The following ASIC2 variants were observed in gnomAD, a reference collection of about 807,000 sequenced individuals.
The protein encoded by ASIC2 is acid-sensing ion channel 2.
Under a neutral mutation model 57.3 loss-of-function variants are expected in ASIC2, and 25 were observed. The ratio of observed to expected loss-of-function variants is 0.44; its 90% CI spans 0.32 to 0.61. The LOEUF (loss-of-function observed/expected upper bound fraction) is 0.61, where lower values mean the gene tolerates loss of function less well. Ranked by LOEUF, ASIC2 falls within the 20% of genes least tolerant of loss-of-function variation. ASIC2 has a pLI of 0.06. For synonymous variants in ASIC2, 319 were observed against 307.5 expected (o/e 1.04, Z -0.39); for missense variants, 641 against 738.1 (o/e 0.87, Z 1.52).
chr17:33,177,784 C>T (rs1345825814), intron 1 of ASIC2, among the ~76,000 whole-genome samples: 2 of 152,154 alleles, frequency 1.3e-5, no homozygotes, highest in Non-Finnish European at 2.9e-5. Context: ...GAATCATTCT[C>T]TTACTTGCTT....
intron 1 of ASIC2, among the ~76,000 whole-genome samples, chr17:34,017,665 C>G (rs182936722): frequency 7.7e-4 from 118 of 152,270 alleles, no homozygotes; most frequent in African/African-American, 2.8e-3. Context: ...AGCAAAACAG[C>G]CTTGTTGCTG....
chr17:33,781,179 T>G (rs192292489), intron 1 of ASIC2, among the ~76,000 whole-genome samples: 1 of 152,328 alleles, frequency 6.6e-6, no homozygotes, highest in African/African-American at 2.4e-5. Context: ...CGTTTAATGT[T>G]TGCTAACAGC....
At chr17:33,985,850 G>C (rs1193289950) in intron 1 of ASIC2, among the ~76,000 whole-genome samples, 1 of 152,208 alleles carries the variant, frequency 6.6e-6, no homozygotes, top group Non-Finnish European at 1.5e-5. Flanking sequence ...CCTATGTCCA[G>C]GTCCACAGGC....
At chr17:33,572,225 G>C (rs561738487) in intron 1 of ASIC2, 2 of 152,204 alleles carry the variant, frequency 1.3e-5, no homozygotes, top group East Asian at 3.9e-4. Context: ...ACTCCTATTG[G>C]CTCAGTGCCC....
At chr17:33,701,247 G>T (rs1247444358) in intron 1 of ASIC2, among the ~76,000 whole-genome samples, 1 of 152,080 alleles carries the variant, frequency 6.6e-6, no homozygotes, top group Non-Finnish European at 1.5e-5. Flanking sequence ...GGGCGGAGGG[G>T]GCATATGAGG....
chr17:34,010,634 C>A (rs774569286), intron 1 of ASIC2, among the ~76,000 whole-genome samples: 1 of 151,974 alleles, frequency 6.6e-6, no homozygotes, highest in Non-Finnish European at 1.5e-5. Context: ...CAAAAACACA[C>A]AGAGAGGCAC....
At chr17:33,095,890 A>G (rs1038636701) in intron 2 of ASIC2, among the ~76,000 whole-genome samples, 3 of 152,186 alleles carry the variant, frequency 2.0e-5, no homozygotes, top group African/African-American at 7.2e-5. Flanking sequence ...ACTGCTACCT[A>G]TGATCAGACA....
chr17:33,347,439 A>G (rs1259191985), intron 1 of ASIC2, among the ~76,000 whole-genome samples: 1 of 152,194 alleles, frequency 6.6e-6, no homozygotes, highest in Non-Finnish European at 1.5e-5. Flanking sequence ...GAGAGTGTGT[A>G]GGATTGCCAG....
intron 1 of ASIC2, among the ~76,000 whole-genome samples, chr17:33,432,625 T>C (rs1427436487): frequency 1.3e-5 from 2 of 152,204 alleles, no homozygotes; most frequent in Non-Finnish European, 2.9e-5. Context: ...GTACAGTATA[T>C]AATGCATATA....
chr17:33,018,076 C>T (rs563189405), intron 7 of ASIC2, among the ~76,000 whole-genome samples: 9 of 152,270 alleles, frequency 5.9e-5, no homozygotes, highest in South Asian at 2.1e-4. Context: ...GTGGGAGTCT[C>T]GGGAGGAGAT....
intron 1 of ASIC2, among the ~76,000 whole-genome samples, chr17:34,130,118 T>A (rs1048138939): frequency 6.6e-6 from 1 of 152,250 alleles, no homozygotes; most frequent in Non-Finnish European, 1.5e-5. Context: ...AATATTCATT[T>A]GCACATCATG....
intron 1 of ASIC2, among the ~76,000 whole-genome samples, chr17:33,449,474 G>A (rs2086931854): frequency 1.3e-5 from 2 of 152,060 alleles, no homozygotes; most frequent in South Asian, 4.1e-4. Flanking sequence ...CATACTTTTG[G>A]CCCAGGTGCC....
chr17:34,085,139 A>G (rs983923417), intron 1 of ASIC2, among the ~76,000 whole-genome samples: 5 of 152,148 alleles, frequency 3.3e-5, no homozygotes, highest in African/African-American at 1.2e-4. Context: ...GAATGCTTCC[A>G]GTTTTTGCCC....
intron 1 of ASIC2, among the ~76,000 whole-genome samples, chr17:33,537,949 T>A (rs868794726): frequency 2.4e-4 from 37 of 152,304 alleles, no homozygotes; most frequent in Middle Eastern, 3.4e-3. Flanking sequence ...TATCTATAAC[T>A]TTTTCACTAC....
intron 1 of ASIC2, among the ~76,000 whole-genome samples, chr17:34,147,513 C>A (rs895661061): frequency 6.6e-6 from 1 of 152,084 alleles, no homozygotes; most frequent in Non-Finnish European, 1.5e-5. Context: ...GATAAACAGG[C>A]TTTTATCAGA....
At chr17:33,380,137 T>C (rs1268928199) in intron 1 of ASIC2, among the ~76,000 whole-genome samples, 1 of 149,750 alleles carries the variant, frequency 6.7e-6, no homozygotes, top group East Asian at 2.0e-4. Context: ...TCCCAGCTAC[T>C]TGGGGGGCTG....
At position 33,417,719 on chromosome 17, in the gene ASIC2, C is replaced by T. The variant is rs145826231; in HGVS notation, c.556-305652G>A. Among the ~76,000 whole-genome samples, 591 of 152,280 alleles carry T rather than the reference C, an allele frequency of 3.9e-3. 2 individuals carry two copies. The highest frequency in any genetic ancestry group is 6.6e-3 in the Non-Finnish European group (448 of 68,030). On this transcript the variant is annotated intron_variant, in intron 1 of 9. Coordinates refer to the ASIC2 transcript ENST00000359872. The stretch of plus-strand genomic sequence containing the variant: ...AATGTTTCCGCCCCTCTGCACATTC[C>T]CCTCCTAACTCACCCCCAAGAGAGG...
intron 1 of ASIC2, among the ~76,000 whole-genome samples, chr17:33,158,985 C>T (rs1233042055): frequency 6.6e-6 from 1 of 152,218 alleles, no homozygotes; most frequent in Non-Finnish European, 1.5e-5. Context: ...TTGGGCGGTA[C>T]TGCCACACCC....
At chr17:33,019,605 A>G (rs980225071) in intron 7 of ASIC2, among the ~76,000 whole-genome samples, 3 of 151,996 alleles carry the variant, frequency 2.0e-5, no homozygotes, top group South Asian at 2.1e-4. Context: ...TGCTGAGAGA[A>G]GGGCCTGATG....
Sources: allele counts gnomAD v4.1 joint callset (sites outside exome capture counted in the v4.1 genomes callset), GRCh38; gene constraint gnomAD v4.1.1; transcripts MANE v1.5; gene names NCBI Gene and HGNC (gene_info 2026-07-23, HGNC 2026-07-21).